The following CELF6 variants were observed in gnomAD, a reference collection of about 807,000 sequenced individuals.
CELF6 encodes Bruno -like 6, RNA binding protein.
CELF6 carries 32 observed loss-of-function variants against 53.1 expected under a neutral mutation model. The ratio of observed to expected loss-of-function variants is 0.60; its 90% CI spans 0.46 to 0.81. CELF6 has a LOEUF of 0.81. Among genes scored for constraint, CELF6 ranks in the 30% least tolerant of loss-of-function variants. The probability of loss-of-function intolerance (pLI) is 0.00; values close to 1 mark genes in which losing one functional copy is unlikely to be tolerated. For missense variants in CELF6, 539 were observed against 669.5 expected, an observed-to-expected ratio of 0.81 and a Z score of 2.15; for synonymous variants, 291 against 288.8, an observed-to-expected ratio of 1.01 and a Z score of -0.08.
chr15:72,289,284 G>A lies in CELF6; in HGVS notation c.884C>T (p.Ala295Val), dbSNP rs1037708525. ...AGGGCCGCTGCCAGGCGGGGAGTTG[G>A]CTGCTGATGGCGGAAAAGGTCTGAG... ...VAAPLLPAAA[A>V]NSPPGSGPGT... Residue 295 changes from alanine to valine, a missense_variant, in exon 8 of 13, where the codon GCC becomes GTC. Ala to Val is a moderately conservative substitution (Grantham distance 64). Coordinates refer to ENST00000287202, the MANE Select transcript of CELF6 (RefSeq NM_052840.5). The surrounding 1 kb of genome is among the most constrained non-coding windows in gnomAD (Gnocchi z 7.6). The A allele has an allele frequency of 1.0e-5, 16 of 1,568,598 alleles. No homozygotes were observed. The East Asian group carries it at 3.7e-4, about 36-fold the overall frequency.
chr15:72,291,330 T>C (rs942935991), intron 3 of CELF6, among the ~76,000 whole-genome samples: 5 of 152,146 alleles, frequency 3.3e-5, no homozygotes, highest in Admixed American at 3.3e-4. Flanking sequence ...AGCCTGCTGT[T>C]AAAGTCTGGG....
rs1469426450 is a variant in CELF6 at position 72,289,544 on chromosome 15, G to A, written c.748-37C>T. 2.0e-6 allele frequency: 3 copies of A among 1,491,142 alleles called. No individual in the cohort carries two copies. Among genetic ancestry groups the A allele is most frequent in the Non-Finnish European group, 2.7e-6 (3 of 1,124,930 alleles). The allele number at this position is 1,491,142 out of a possible 1,614,324, so 92.4% of individuals were successfully genotyped here. ...AAGATGGGCGAGAGTGGAGGGCCAAGGGGCAGGCAGCTGCCCGTGCTCTCA... is the reference window on the plus strand; with the variant it reads ...AAGATGGGCGAGAGTGGAGGGCCAAAGGGCAGGCAGCTGCCCGTGCTCTCA... On this transcript the variant is annotated intron_variant, in intron 6 of 12. Transcript: ENST00000287202. This position sits in a 1 kb window ranked among gnomAD's most constrained non-coding sequence, Gnocchi z 7.6.
At chr15:72,306,806 C>A (rs184935720) in intron 2 of CELF6, among the ~76,000 whole-genome samples, 2 of 152,074 alleles carry the variant, frequency 1.3e-5, no homozygotes, top group East Asian at 3.9e-4. Context: ...GGACAGGACC[C>A]GTCCCTGGGC....
At chr15:72,295,411 C>T (rs1256967954) in intron 3 of CELF6, among the ~76,000 whole-genome samples, 2 of 151,440 alleles carry the variant, frequency 1.3e-5, no homozygotes, top group African/African-American at 4.9e-5. Context: ...GACTCATACA[C>T]TGAAAACTAC....
chr15:72,296,958 A>C (rs1311883604), intron 3 of CELF6, among the ~76,000 whole-genome samples: 1 of 152,252 alleles, frequency 6.6e-6, no homozygotes, highest in Non-Finnish European at 1.5e-5. Flanking sequence ...GAATATATCC[A>C]AAAACATTGA....
intron 2 of CELF6, among the ~76,000 whole-genome samples, chr15:72,305,854 GT>G (rs557602698): frequency 1.8e-3 from 232 of 128,486 alleles, no homozygotes; most frequent in Non-Finnish European, 2.2e-3. Context: ...GAGCTCATTT[GT>G]TTTTTTTTTT....
rs984879836 is a variant in CELF6, at chr15:72,314,589, G to GTTTTTTTTTTTTTTTTTTTTTTTT, written c.345+1255_345+1256insAAAAAAAAAAAAAAAAAAAAAAAA. Among the ~76,000 whole-genome samples, 8 of 97,844 alleles carry GTTTTTTTTTTTTTTTTTTTTTTTT rather than the reference G, an allele frequency of 8.2e-5. 1 individual carries two copies. Among genetic ancestry groups the GTTTTTTTTTTTTTTTTTTTTTTTT allele is most frequent in the African/African-American group, 2.9e-4 (6 of 20,712 alleles). 64.2% of individuals were successfully genotyped at this position (97,844 alleles called of 152,430 possible). ...AGGTCTGTGAGACTCAAAACCCAGT[G>GTTTTTTTTTTTTTTTTTTTTTTTT]TTTTTTTTTTTTTTTTTTTTTTTGA... is the stretch of plus-strand genomic sequence containing the variant. On this transcript the variant is annotated intron_variant, in intron 2 of 12. Coordinates refer to ENST00000287202, the MANE Select transcript of CELF6 (RefSeq NM_052840.5).
chr15:72,305,729 C>T (rs578087637), intron 2 of CELF6, among the ~76,000 whole-genome samples: 1 of 152,280 alleles, frequency 6.6e-6, no homozygotes, highest in Non-Finnish European at 1.5e-5. Context: ...TGACTTAGAG[C>T]TCTGTGTCTC....
intron 3 of CELF6, among the ~76,000 whole-genome samples, chr15:72,295,289 T>C (rs997531048): frequency 6.6e-6 from 1 of 152,062 alleles, no homozygotes; most frequent in Non-Finnish European, 1.5e-5. Flanking sequence ...TGAGCCGAGA[T>C]TGAGCCACTG....
At position 72,319,305 on chromosome 15, in the gene CELF6, A is replaced by G. The variant is rs1024692267; in HGVS notation, c.262+308T>C. Among the ~76,000 whole-genome samples, 3 of 152,116 alleles carry G rather than the reference A, an allele frequency of 2.0e-5. No individual in the cohort carries two copies. Among genetic ancestry groups the G allele is most frequent in the African/African-American group, 7.2e-5 (3 of 41,408 alleles). On this transcript the variant is annotated intron_variant, in intron 1 of 12. Transcript: ENST00000287202. The surrounding 1 kb of genome is among the most constrained non-coding windows in gnomAD (Gnocchi z 5.0). ...GTGGAATAAGTTTTCAAATTCCAGA[A>G]TTTTAGGTCTGATGGGAGAGGTGGT...
At chr15:72,315,754 C>T in intron 2 of CELF6, 91 bp downstream of exon 2, 1 of 840,272 alleles carries the variant, frequency 1.2e-6, no homozygotes, top group South Asian at 1.8e-5. Context: ...GTTCTCGGTC[C>T]CAACCCAGCC....
chr15:72,290,819 A>G (rs1159058677), intron 3 of CELF6, among the ~76,000 whole-genome samples: 1 of 152,136 alleles, frequency 6.6e-6, no homozygotes, highest in Non-Finnish European at 1.5e-5. Context: ...CCTCATCTTT[A>G]GGCACTGAGC....
chr15:72,293,029 A>G (rs574707470), intron 3 of CELF6, among the ~76,000 whole-genome samples: 1 of 152,298 alleles, frequency 6.6e-6, no homozygotes, highest in South Asian at 2.1e-4. Flanking sequence ...TCCAACTAAA[A>G]AAATTTTTTT....
chr15:72,302,996 A>G (rs1378790838), intron 3 of CELF6, among the ~76,000 whole-genome samples: 1 of 152,182 alleles, frequency 6.6e-6, no homozygotes, highest in Non-Finnish European at 1.5e-5. Context: ...CTCTCATAGC[A>G]TCCGTGCTTC....
intron 2 of CELF6, among the ~76,000 whole-genome samples, chr15:72,309,698 T>C (rs1254834923): frequency 1.3e-5 from 2 of 152,202 alleles, no homozygotes; most frequent in Non-Finnish European, 2.9e-5. Context: ...CAACCTATTA[T>C]ATATATCTTG....
At chr15:72,290,407 A>AG in intron 3 of CELF6, 152 bp from the exon 4 acceptor site, 1 of 892,574 alleles carries the variant, frequency 1.1e-6, no homozygotes, top group East Asian at 2.7e-5. Context: ...GTTTTCATTG[A>AG]GGGGCAGGAT....
At chr15:72,315,076 C>T (rs749788544) in intron 2 of CELF6, among the ~76,000 whole-genome samples, 2 of 152,192 alleles carry the variant, frequency 1.3e-5, no homozygotes, top group African/African-American at 4.8e-5. Flanking sequence ...ATTTGAGAGG[C>T]CTAGAACTGG....
chr15:72,289,668 CG>C lies in CELF6; in HGVS notation c.705del (p.Ala236ArgfsTer5). 6.7e-7 allele frequency: 1 copy of C among 1,499,510 alleles called. No homozygotes were observed. Among genetic ancestry groups the C allele is most frequent in the Admixed American group, 2.3e-5 (1 of 44,042 alleles). 92.9% of individuals were successfully genotyped at this position (1,499,510 alleles called of 1,614,324 possible). Reference protein sequence around the residue: ...QMAGHLGAFHPAPLPLGACGA... With the variant: ...QMAGHLGAFHXAPLPLGACGA... ...CCGCAGGCCCCTAGCGGCAGTGGCG[CG>C]GGGTGGAAGGCGCCCAGGTGGCCGG... On this transcript the variant is annotated frameshift_variant, in exon 6 of 13. Transcript: ENST00000287202. LOFTEE classifies it high-confidence loss of function. The surrounding 1 kb of genome is among the most constrained non-coding windows in gnomAD (Gnocchi z 7.6).
rs1367923516 is a variant in CELF6, at chr15:72,289,328, C to A, written c.881-41G>T. On this transcript the variant is annotated intron_variant, in intron 7 of 12. Transcript: ENST00000287202. The surrounding 1 kb of genome is among the most constrained non-coding windows in gnomAD (Gnocchi z 7.6). Reference sequence around the variant, plus strand: ...GTCTGAGAGTCAGGCCGCCACCCCGCCCCGCCCGGCCCCTCCCAGGCGCGC... The same window carrying A: ...GTCTGAGAGTCAGGCCGCCACCCCGACCCGCCCGGCCCCTCCCAGGCGCGC... 1 of 1,535,786 alleles carries A rather than the reference C, an allele frequency of 6.5e-7. No homozygotes were observed. Among genetic ancestry groups the A allele is most frequent in the Admixed American group, 2.0e-5 (1 of 49,798 alleles).
Sources: allele counts gnomAD v4.1 joint callset (sites outside exome capture counted in the v4.1 genomes callset), GRCh38; gene constraint gnomAD v4.1.1; non-coding constraint Gnocchi (gnomAD v3.1); transcripts MANE v1.5; gene names NCBI Gene and HGNC (gene_info 2026-07-23, HGNC 2026-07-21).